Variants in DOCK3 observed in about 807,000 individuals in gnomAD.
The protein encoded by DOCK3 is dedicator of cytokinesis protein 3.
A neutral mutation model predicts 265.6 loss-of-function variants in DOCK3; 60 were observed. The ratio of observed to expected loss-of-function variants is 0.23; its 90% CI spans 0.18 to 0.28. The LOEUF (loss-of-function observed/expected upper bound fraction) is 0.28. Ranked by LOEUF, DOCK3 falls within the 10% of genes least tolerant of loss-of-function variation. DOCK3 has a pLI of 1.00. For synonymous variants in DOCK3, 881 were observed against 938.0 expected, an observed-to-expected ratio of 0.94 and a Z score of 1.11; for missense variants, 1,981 against 2,594.3, an observed-to-expected ratio of 0.76 and a Z score of 5.14.
intron 5 of DOCK3, among the ~76,000 whole-genome samples, chr3:50,970,861 C>G (rs1303507903): frequency 2.9e-5 from 3 of 104,650 alleles, no homozygotes; most frequent in African/African-American, 3.9e-5. Flanking sequence ...TCTGGGACTA[C>G]AGGCACATAC....
At chr3:50,759,997 A>T (rs910673541) in intron 1 of DOCK3, among the ~76,000 whole-genome samples, 7 of 151,592 alleles carry the variant, frequency 4.6e-5, no homozygotes, top group Non-Finnish European at 7.4e-5. Flanking sequence ...TTTGATGCAT[A>T]CAAGTTTTAA....
At chr3:51,344,258 A>G (rs1367417298) in intron 38 of DOCK3, among the ~76,000 whole-genome samples, 2 of 152,172 alleles carry the variant, frequency 1.3e-5, no homozygotes, top group Non-Finnish European at 2.9e-5. Context: ...TTGCCATTTG[A>G]TTAGAATGAC....
intron 27 of DOCK3, among the ~76,000 whole-genome samples, chr3:51,306,232 G>A (rs1044760561): frequency 6.6e-6 from 1 of 151,920 alleles, no homozygotes; most frequent in Non-Finnish European, 1.5e-5. Flanking sequence ...TTTCATTTCA[G>A]ACTTTGAATA....
chr3:51,016,925 A>ATATGTTT lies in DOCK3; in HGVS notation c.316-47523_316-47522insTATGTTT, dbSNP rs1559946470. Among the ~76,000 whole-genome samples the ATATGTTT allele has an allele frequency of 7.7e-5, 8 of 104,220 alleles. 2 individuals carry two copies. Among genetic ancestry groups the ATATGTTT allele is most frequent in the African/African-American group, 3.4e-4 (8 of 23,686 alleles). The allele number at this position is 104,220 out of a possible 152,430, so 68.4% of individuals were successfully genotyped here. A position where few individuals can be genotyped will look rare whatever the true frequency, so the allele number is the denominator to read the frequency against. On this transcript the variant is annotated intron_variant, in intron 5 of 52. Transcript: ENST00000266037. ...ATATATGTTTATATATAAATATATTAATATATACAATATATGTTATATATA... is the reference window on the plus strand; with the variant it reads ...ATATATGTTTATATATAAATATATTATATGTTTATATATACAATATATGTTATATATA...
chr3:50,914,955 C>T (rs1390556262), intron 4 of DOCK3, among the ~76,000 whole-genome samples: 1 of 151,992 alleles, frequency 6.6e-6, no homozygotes, highest in Non-Finnish European at 1.5e-5. Flanking sequence ...GACTAGTGTT[C>T]TAGCTTCTGG....
chr3:51,322,187 T>C (rs748499791), intron 32 of DOCK3, among the ~76,000 whole-genome samples: 1 of 152,034 alleles, frequency 6.6e-6, no homozygotes, highest in Non-Finnish European at 1.5e-5. Context: ...ATATTCAACA[T>C]TCTTTTGTTT....
chr3:51,289,770 C>A (rs943548744), intron 27 of DOCK3, among the ~76,000 whole-genome samples: 1 of 151,780 alleles, frequency 6.6e-6, no homozygotes, highest in Non-Finnish European at 1.5e-5. Context: ...AATGGGAGAA[C>A]ATTTTTGCAA....
At chr3:51,265,729 C>T (rs1388620177) in intron 23 of DOCK3, among the ~76,000 whole-genome samples, 2 of 152,128 alleles carry the variant, frequency 1.3e-5, no homozygotes, top group African/African-American at 4.8e-5. Flanking sequence ...TTATGACAAA[C>T]CCACAGCCAA....
chr3:51,356,699 T>G (rs2086389958), intron 43 of DOCK3, among the ~76,000 whole-genome samples: 1 of 152,068 alleles, frequency 6.6e-6, no homozygotes, highest in Non-Finnish European at 1.5e-5. Context: ...ATTTTCAACC[T>G]CCTACTTTAC....
At chr3:51,237,847 C>T (rs1466404136) in intron 21 of DOCK3, among the ~76,000 whole-genome samples, 1 of 152,138 alleles carries the variant, frequency 6.6e-6, no homozygotes, top group Non-Finnish European at 1.5e-5. Flanking sequence ...AAACTCTTTT[C>T]CTGTTACAAA....
chr3:50,812,122 G>A (rs2043796557), intron 2 of DOCK3, among the ~76,000 whole-genome samples: 1 of 152,208 alleles, frequency 6.6e-6, no homozygotes, highest in Non-Finnish European at 1.5e-5. Flanking sequence ...GGAGCAACCT[G>A]TTGGATGGTA....
At chr3:51,066,080 C>A (rs572547803) in intron 6 of DOCK3, among the ~76,000 whole-genome samples, 11 of 152,060 alleles carry the variant, frequency 7.2e-5, no homozygotes, top group Non-Finnish European at 1.3e-4. Context: ...ATAAAATACT[C>A]AGAGAAGACA....
intron 19 of DOCK3, among the ~76,000 whole-genome samples, chr3:51,230,663 C>T (rs1247409467): frequency 5.9e-5 from 9 of 152,032 alleles, no homozygotes; most frequent in African/African-American, 1.4e-4. Flanking sequence ...ACTACAGGCG[C>T]GTGCCACCAC....
At chr3:50,773,232 C>T (rs755081047) in intron 1 of DOCK3, among the ~76,000 whole-genome samples, 4 of 152,080 alleles carry the variant, frequency 2.6e-5, no homozygotes, top group Non-Finnish European at 5.9e-5. Context: ...TGGATATTCA[C>T]ATGCAGAAGA....
At chr3:51,051,570 A>G (rs1245711600) in intron 5 of DOCK3, among the ~76,000 whole-genome samples, 1 of 152,180 alleles carries the variant, frequency 6.6e-6, no homozygotes, top group Non-Finnish European at 1.5e-5. Context: ...TGAGGCACAC[A>G]AGTAGTAAAT....
intron 2 of DOCK3, among the ~76,000 whole-genome samples, chr3:50,818,344 T>C (rs1559680039): frequency 6.6e-6 from 1 of 152,278 alleles, no homozygotes; most frequent in Non-Finnish European, 1.5e-5. Flanking sequence ...TTGACTCTTG[T>C]TGACTTCTCT....
intron 5 of DOCK3, among the ~76,000 whole-genome samples, chr3:50,975,804 T>C (rs2108507889): frequency 6.6e-6 from 1 of 151,944 alleles, no homozygotes; most frequent in South Asian, 2.1e-4. Flanking sequence ...CTATTGATTA[T>C]TGCCACAATT....
At chr3:50,796,347 G>GT (rs1298395278) in intron 2 of DOCK3, among the ~76,000 whole-genome samples, 5 of 136,454 alleles carry the variant, frequency 3.7e-5, no homozygotes, top group South Asian at 4.7e-4. Context: ...TTTTTGTTTT[G>GT]TTTTTTTTGA....
chr3:50,964,302 T>G (rs561072288), intron 5 of DOCK3, among the ~76,000 whole-genome samples: 1 of 152,308 alleles, frequency 6.6e-6, no homozygotes, highest in African/African-American at 2.4e-5. Context: ...TTAAAAAGAA[T>G]AATAATCAAT....
Sources: gnomAD v4.1 joint callset for allele counts (sites outside exome capture counted in the v4.1 genomes callset) on GRCh38, gnomAD v4.1.1 for gene constraint, MANE v1.5 for transcripts, NCBI Gene and HGNC (gene_info 2026-07-23, HGNC 2026-07-21) for gene names.